Variants in ALK observed in about 807,000 individuals in gnomAD.
ALK encodes the protein ALK receptor tyrosine kinase.
ALK carries 74 observed loss-of-function variants against 163.1 expected under a neutral mutation model. The observed-to-expected ratio is 0.45, with a 90% CI of 0.38 to 0.55. The LOEUF (loss-of-function observed/expected upper bound fraction) is 0.55. ALK is among the 20% of genes least tolerant of loss of function. The probability of loss-of-function intolerance (pLI) is 0.00; values close to 1 mark genes in which losing one functional copy is unlikely to be tolerated. For missense variants in ALK, 2,063 were observed against 2,105.3 expected (o/e 0.98, Z 0.39); for synonymous variants, 960 against 843.2 (o/e 1.14, Z -2.40).
At chr2:29,294,511 C>T (rs575410889) in intron 9 of ALK, among the ~76,000 whole-genome samples, 1 of 152,276 alleles carries the variant, frequency 6.6e-6, no homozygotes, top group South Asian at 2.1e-4. Flanking sequence ...CACTTTACTT[C>T]TCCAAACCTA....
At chr2:29,688,104 T>A (rs1042312951) in intron 3 of ALK, among the ~76,000 whole-genome samples, 1 of 152,160 alleles carries the variant, frequency 6.6e-6, no homozygotes, top group Non-Finnish European at 1.5e-5. Context: ...CCTCTCCAAG[T>A]GATGTAGATT....
At chr2:29,464,371 T>G (rs1671155934) in intron 4 of ALK, among the ~76,000 whole-genome samples, 1 of 152,158 alleles carries the variant, frequency 6.6e-6, no homozygotes, top group Admixed American at 6.5e-5. Context: ...TATGCAAATA[T>G]TTTAGGCTTT....
chr2:29,780,998 C>G (rs1681317517), intron 1 of ALK, among the ~76,000 whole-genome samples: 1 of 152,194 alleles, frequency 6.6e-6, no homozygotes, highest in South Asian at 2.1e-4. Flanking sequence ...CTACCCTGGG[C>G]TTCACTCTCC....
At chr2:29,497,503 C>T (rs1280637351) in intron 4 of ALK, among the ~76,000 whole-genome samples, 1 of 152,194 alleles carries the variant, frequency 6.6e-6, no homozygotes, top group Non-Finnish European at 1.5e-5. Flanking sequence ...GCAGCACACA[C>T]ATCCCCACTG....
At chr2:29,305,216 T>C (rs931132067) in intron 8 of ALK, among the ~76,000 whole-genome samples, 1 of 152,130 alleles carries the variant, frequency 6.6e-6, no homozygotes, top group Non-Finnish European at 1.5e-5. Flanking sequence ...GGGGGCGATT[T>C]TCCTGCAGCG....
In ALK at chr2:29,675,621, T is replaced by G. The variant is rs141275040; in HGVS notation, c.952+19229A>C. Among the ~76,000 whole-genome samples, 443 of 152,122 alleles carry G rather than the reference T, an allele frequency of 2.9e-3. 4 individuals carry two copies. The highest frequency in any genetic ancestry group is 9.8e-3 in the African/African-American group (406 of 41,530). On this transcript the variant is annotated intron_variant, in intron 3 of 28. Transcript: ENST00000389048. ...CACCTGTGAATTTTTTTTTCTTAGA[T>G]ACTGAAAGTTACAGCTGGATCCATG...
intron 9 of ALK, among the ~76,000 whole-genome samples, chr2:29,289,775 C>T (rs1484813557): frequency 6.6e-6 from 1 of 152,142 alleles, no homozygotes; most frequent in East Asian, 1.9e-4. Flanking sequence ...GCATGTCTAC[C>T]TGGGGTGGTA....
chr2:29,525,013 T>C (rs1672920281), intron 4 of ALK, among the ~76,000 whole-genome samples: 2 of 152,204 alleles, frequency 1.3e-5, no homozygotes, highest in Admixed American at 6.5e-5. Flanking sequence ...AGCTTCCTTC[T>C]GGCTTTAAGA....
At chr2:29,275,610 G>A (rs778885130) in intron 9 of ALK, 114 bp from the exon 10 acceptor site, 1 of 1,071,158 alleles carries the variant, frequency 9.3e-7, no homozygotes, top group African/African-American at 1.6e-5. Flanking sequence ...GTTTGAAAAA[G>A]GCTCGCTAAT....
intron 3 of ALK, among the ~76,000 whole-genome samples, chr2:29,588,228 T>G (rs1674944298): frequency 6.6e-6 from 1 of 152,022 alleles, no homozygotes; most frequent in East Asian, 1.9e-4. Flanking sequence ...GAGAAAAATT[T>G]TTTATTTTTA....
intron 1 of ALK, among the ~76,000 whole-genome samples, chr2:29,765,722 A>G (rs1025803256): frequency 2.0e-5 from 3 of 152,174 alleles, no homozygotes; most frequent in Admixed American, 6.5e-5. Flanking sequence ...CTCTAATCTC[A>G]TCAACAAGTA....
At chr2:29,225,707 T>C (rs1663961027) in intron 18 of ALK, 142 bp from the exon 19 acceptor site, 1 of 728,880 alleles carries the variant, frequency 1.4e-6, no homozygotes, top group South Asian at 1.6e-5. Flanking sequence ...ACTTTTCTTT[T>C]CAGGGGACCA....
At chr2:29,602,995 A>G (rs1275744290) in intron 3 of ALK, among the ~76,000 whole-genome samples, 1 of 152,244 alleles carries the variant, frequency 6.6e-6, no homozygotes, top group Non-Finnish European at 1.5e-5. Context: ...GAAAGGCAGG[A>G]CAACTTGAAG....
intron 9 of ALK, among the ~76,000 whole-genome samples, chr2:29,290,443 C>T (rs1392548554): frequency 6.6e-6 from 1 of 152,220 alleles, no homozygotes; most frequent in African/African-American, 2.4e-5. Flanking sequence ...TCCTCATAGG[C>T]ATCCCTTTTT....
At chr2:29,769,262 CTT>C (rs903275381) in intron 1 of ALK, among the ~76,000 whole-genome samples, 1 of 152,202 alleles carries the variant, frequency 6.6e-6, no homozygotes, top group African/African-American at 2.4e-5. Flanking sequence ...GTTGGAGTCT[CTT>C]GACTTCCATC....
At chr2:29,198,886 G>A (rs753492724) in intron 26 of ALK, among the ~76,000 whole-genome samples, 25 of 151,042 alleles carry the variant, frequency 1.7e-4, no homozygotes, top group Non-Finnish European at 3.2e-4. Context: ...TTTTCTTTTT[G>A]ATTTGTAGGC....
intron 5 of ALK, among the ~76,000 whole-genome samples, chr2:29,343,403 T>TG (rs1667858243): frequency 6.7e-6 from 1 of 149,520 alleles, no homozygotes; most frequent in Non-Finnish European, 1.5e-5. Flanking sequence ...AATTTAGAGA[T>TG]GGGGTCTCCC....
chr2:29,553,219 A>G (rs1386607695), intron 3 of ALK, among the ~76,000 whole-genome samples: 1 of 152,270 alleles, frequency 6.6e-6, no homozygotes, highest in Middle Eastern at 3.4e-3. Flanking sequence ...AGTGCCTTGT[A>G]AAAAGGCTGG....
At chr2:29,874,347 A>C (rs544145281) in intron 1 of ALK, among the ~76,000 whole-genome samples, 1 of 152,084 alleles carries the variant, frequency 6.6e-6, no homozygotes, top group Non-Finnish European at 1.5e-5. Context: ...GTTGAAATAA[A>C]CCTTGGCAAT....
Sources: allele counts gnomAD v4.1 joint callset (sites outside exome capture counted in the v4.1 genomes callset), GRCh38; gene constraint gnomAD v4.1.1; transcripts MANE v1.5; gene names NCBI Gene and HGNC (gene_info 2026-07-23, HGNC 2026-07-21).